ARID1B: variants seen among roughly 807,000 people sequenced by gnomAD.
The protein encoded by ARID1B is AT-rich interaction domain 1B.
In ARID1B, 30 loss-of-function variants were observed where a neutral mutation model predicts 212.3. That is an observed-to-expected ratio of 0.14 (90% CI 0.11 to 0.19). ARID1B has a LOEUF of 0.19. ARID1B is among the 10% of genes least tolerant of loss of function. The pLI is 1.00. For synonymous variants in ARID1B, 1,402 were observed against 1,301.7 expected, an observed-to-expected ratio of 1.08 and a Z score of -1.66; for missense variants, 2,891 against 3,204.0, an observed-to-expected ratio of 0.90 and a Z score of 2.36.
intron 4 of ARID1B, among the ~76,000 whole-genome samples, chr6:157,056,649 T>C (rs1782972315): frequency 6.6e-6 from 1 of 152,224 alleles, no homozygotes. Context: ...ATGCAAATAA[T>C]AGAAAAAGAA....
intron 1 of ARID1B, among the ~76,000 whole-genome samples, chr6:156,795,422 A>G (rs1347076314): frequency 1.3e-5 from 2 of 152,240 alleles, no homozygotes; most frequent in African/African-American, 2.4e-5. Context: ...CCAACAAAAT[A>G]TAATATTCAT....
intron 15 of ARID1B, among the ~76,000 whole-genome samples, chr6:157,191,764 A>G (rs184318615): frequency 2.0e-5 from 3 of 152,360 alleles, no homozygotes; most frequent in Non-Finnish European, 4.4e-5. Flanking sequence ...ATTATTGGAA[A>G]AAAACATATA....
chr6:157,156,244 T>A (rs1001648156), intron 8 of ARID1B, among the ~76,000 whole-genome samples: 1 of 152,212 alleles, frequency 6.6e-6, no homozygotes, highest in Non-Finnish European at 1.5e-5. Context: ...ATAGCTATGA[T>A]TTGAAAAGTC....
intron 4 of ARID1B, among the ~76,000 whole-genome samples, chr6:157,053,295 A>G (rs538310557): frequency 6.6e-6 from 1 of 152,100 alleles, no homozygotes; most frequent in Admixed American, 6.5e-5. Context: ...CCGTGTTGCC[A>G]GGGTGGTCTT....
chr6:157,176,663 T>C (rs1216315284), intron 11 of ARID1B, among the ~76,000 whole-genome samples: 1 of 152,162 alleles, frequency 6.6e-6, no homozygotes, highest in Non-Finnish European at 1.5e-5. Flanking sequence ...CTGGCCAACA[T>C]GGTGAAACCT....
chr6:156,901,872 A>G (rs1013308544), intron 3 of ARID1B: 8 of 279,182 alleles, frequency 2.9e-5, no homozygotes, highest in South Asian at 6.7e-5. Context: ...GATTTTATCA[A>G]TCATTTAATC....
At chr6:157,042,245 G>T (rs190856227) in intron 4 of ARID1B, among the ~76,000 whole-genome samples, 128 of 152,292 alleles carry the variant, frequency 8.4e-4, no homozygotes, top group African/African-American at 2.9e-3. Flanking sequence ...ATTTCCTGGG[G>T]TAAATTCTTA....
At position 157,155,179 on chromosome 6, in the gene ARID1B, AAC is replaced by A. The variant is rs202012006; in HGVS notation, c.3089+6230_3089+6231del. Among the ~76,000 whole-genome samples the A allele has an allele frequency of 9.4e-3, 1,434 of 152,316 alleles. 24 individuals are homozygous for A. The highest frequency in any genetic ancestry group is 0.033 in the African/African-American group (1,358 of 41,564). On this transcript the variant is annotated intron_variant, in intron 8 of 19. Transcript: ENST00000636930. ...GAGCCAAGCGCTTTGTGAGATAAGT[AAC>A]AGTTACTTACTGGCACAAGGGCGGG...
intron 1 of ARID1B, among the ~76,000 whole-genome samples, chr6:156,797,760 C>T (rs1287077493): frequency 6.6e-6 from 1 of 152,180 alleles, no homozygotes; most frequent in Non-Finnish European, 1.5e-5. Flanking sequence ...GCAGTTGAGG[C>T]GGGCACAAGG....
intron 4 of ARID1B, among the ~76,000 whole-genome samples, chr6:157,079,460 C>T (rs1377500333): frequency 6.6e-6 from 1 of 152,150 alleles, no homozygotes; most frequent in Admixed American, 6.5e-5. Context: ...ATATCAATTT[C>T]AAGGTGTATT....
chr6:156,925,657 A>G (rs1238773845), intron 3 of ARID1B, among the ~76,000 whole-genome samples: 43 of 152,220 alleles, frequency 2.8e-4, no homozygotes, highest in Admixed American at 2.8e-3. Flanking sequence ...TTAAGCTTCT[A>G]ATTGGCCTCT....
At chr6:156,777,358 G>C (rs1778683990), upstream of ARID1B, 1 of 151,480 alleles carries the variant, frequency 6.6e-6, no homozygotes, top group South Asian at 2.1e-4. Context: ...ATAGTTGCTC[G>C]AGCTCGCCCG....
rs2114977676 is a variant in ARID1B at position 156,778,536 on chromosome 6, C to G, written c.856C>G (p.Pro286Ala). 8.1e-7 allele frequency: 1 copy of G among 1,232,266 alleles called. No homozygotes were observed. Among genetic ancestry groups the G allele is most frequent in the Admixed American group, 4.4e-5 (1 of 22,938 alleles). 76.3% of individuals were successfully genotyped at this position (1,232,266 alleles called of 1,614,324 possible). The change falls in exon 1 of 20, where the codon CCG (proline) becomes GCG (alanine). Residue 286 changes from proline (P) to alanine (A), a missense_variant. Pro to Ala is a conservative substitution (Grantham distance 27). Coordinates refer to ENST00000636930, the MANE Select transcript of ARID1B (RefSeq NM_001374828.1). ...GCCGGCGGGCGGCCGCTACGAGCAC[C>G]CGGGCTTGGGCGCCCTGGGCACGCA... Reference protein sequence around the residue: ...GEPAGGRYEHPGLGALGTQQP... With the variant: ...GEPAGGRYEHAGLGALGTQQP...
At chr6:156,897,215 G>GCCGCTTCTT in intron 2 of ARID1B, among the ~76,000 whole-genome samples, 1 of 76,206 alleles carries the variant, frequency 1.3e-5, no homozygotes, top group Admixed American at 1.3e-4. Context: ...TGCTGCTGCT[G>GCCGCTTCTT]CTGCTTCTTC....
At chr6:156,971,138 G>T (rs1359123027) in intron 4 of ARID1B, among the ~76,000 whole-genome samples, 2 of 152,178 alleles carry the variant, frequency 1.3e-5, no homozygotes, top group African/African-American at 4.8e-5. Flanking sequence ...GGTTTTTGTA[G>T]ATTTGGGGCT....
intron 4 of ARID1B, chr6:157,024,070 C>T (rs1425286573): frequency 6.6e-6 from 1 of 152,206 alleles, no homozygotes; most frequent in East Asian, 1.9e-4. Context: ...TCTGCCTGTG[C>T]AGAGATGTTA....
chr6:156,864,001 G>A (rs951318292), intron 2 of ARID1B, among the ~76,000 whole-genome samples: 3 of 152,112 alleles, frequency 2.0e-5, no homozygotes, highest in Non-Finnish European at 2.9e-5. Context: ...ATTGTTCTTT[G>A]AAATAACTAA....
chr6:157,062,093 G>A (rs1281952913), intron 4 of ARID1B, among the ~76,000 whole-genome samples: 2 of 152,180 alleles, frequency 1.3e-5, no homozygotes, highest in African/African-American at 2.4e-5. Flanking sequence ...TGACAAAGCA[G>A]TCATGATAAG....
intron 4 of ARID1B, among the ~76,000 whole-genome samples, chr6:157,064,177 T>C (rs758879384): frequency 6.6e-6 from 1 of 152,212 alleles, no homozygotes; most frequent in Non-Finnish European, 1.5e-5. Flanking sequence ...CTCTGAGATT[T>C]TTCCCTGGCT....
Sources: gnomAD v4.1 joint callset for allele counts (sites outside exome capture counted in the v4.1 genomes callset) on GRCh38, gnomAD v4.1.1 for gene constraint, MANE v1.5 for transcripts, NCBI Gene and HGNC (gene_info 2026-07-23, HGNC 2026-07-21) for gene names.